DMD: variants seen among roughly 807,000 people sequenced by gnomAD.
DMD encodes mutant dystrophin.
Under a neutral mutation model 330.1 loss-of-function variants are expected in DMD, and 63 were observed. That is an observed-to-expected ratio of 0.19 (90% CI 0.16 to 0.24). The LOEUF (loss-of-function observed/expected upper bound fraction) is 0.24, where lower values mean the gene tolerates loss of function less well. Ranked by LOEUF, DMD falls within the 10% of genes least tolerant of loss-of-function variation. DMD has a pLI of 1.00. For missense variants in DMD, 3,344 were observed against 2,684.1 expected (o/e 1.25, Z -5.43); for synonymous variants, 1,223 against 959.8 (o/e 1.27, Z -5.07).
At chrX:32,559,100 G>A (rs899316226) in intron 16 of DMD, among the ~76,000 whole-genome samples, 2 of 109,143 alleles carry the variant, frequency 1.8e-5, no homozygotes, top group Non-Finnish European at 3.8e-5. Context: ...ACAAGCGCCT[G>A]CCACCATGCC....
chrX:32,492,124 A>G (rs1183685222), intron 19 of DMD, among the ~76,000 whole-genome samples: 3 of 111,901 alleles, frequency 2.7e-5, no homozygotes, highest in Non-Finnish European at 5.6e-5. Flanking sequence ...GGATCACGGC[A>G]TCGGGAGATC....
chrX:32,055,980 G>C (rs1569537701), intron 44 of DMD, among the ~76,000 whole-genome samples: 1 of 111,200 alleles, frequency 9.0e-6, no homozygotes, highest in Non-Finnish European at 1.9e-5. Flanking sequence ...TAGATGTAAT[G>C]ATAACATGAA....
At chrX:31,665,654 T>C (rs1021110668) in intron 53 of DMD, among the ~76,000 whole-genome samples, 6 of 111,774 alleles carry the variant, frequency 5.4e-5, no homozygotes, top group Non-Finnish European at 1.1e-4. Flanking sequence ...ATCTTTACAA[T>C]AGCTTTGAAG....
At chrX:31,742,849 A>AC (rs2087476866) in intron 51 of DMD, among the ~76,000 whole-genome samples, 1 of 112,200 alleles carries the variant, frequency 8.9e-6, no homozygotes, top group Admixed American at 9.5e-5. Context: ...GACAAGTGGA[A>AC]CTTAATTAAA....
intron 30 of DMD, among the ~76,000 whole-genome samples, chrX:32,391,915 CA>C (rs2098005524): frequency 9.0e-6 from 1 of 111,719 alleles, no homozygotes; most frequent in Admixed American, 9.5e-5. Context: ...TAATCCTCCT[CA>C]AAAAGGTGGG....
rs925027435 is a variant in DMD, at chrX:32,371,429, AT to A, written c.4846-6231del. Among the ~76,000 whole-genome samples, 965 of 108,169 alleles carry A rather than the reference AT, an allele frequency of 8.9e-3. 6 individuals are homozygous for A. Among genetic ancestry groups the A allele is most frequent in the Non-Finnish European group, 0.015 (787 of 51,680 alleles). 93.9% of individuals were successfully genotyped at this position (108,169 alleles called of 115,157 possible). A position where few individuals can be genotyped will look rare whatever the true frequency, so the allele number is the denominator to read the frequency against. On this transcript the variant is annotated intron_variant, in intron 34 of 78. Transcript: ENST00000357033. Reference sequence around the variant, plus strand: ...TAGGATGAACATACTATAGGACCAAATTTTTTTTTTCCAGAAAATCTTATTC... The same window carrying A: ...TAGGATGAACATACTATAGGACCAAATTTTTTTTTCCAGAAAATCTTATTC...
chrX:32,297,564 G>A (rs753543758), intron 42 of DMD, among the ~76,000 whole-genome samples: 3 of 111,691 alleles, frequency 2.7e-5, no homozygotes, highest in Admixed American at 1.9e-4. Flanking sequence ...GAGCCACCGC[G>A]CCCAGCCTGA....
chrX:31,409,482 C>T (rs946830484), intron 60 of DMD, among the ~76,000 whole-genome samples: 3 of 112,484 alleles, frequency 2.7e-5, no homozygotes, highest in African/African-American at 9.7e-5. Flanking sequence ...GGGCTTCTCC[C>T]ATGATTTACT....
intron 74 of DMD, among the ~76,000 whole-genome samples, chrX:31,158,787 T>TTGTTGGGG (rs2038466376): frequency 1.8e-5 from 2 of 112,138 alleles, no homozygotes; most frequent in Non-Finnish European, 1.9e-5. Flanking sequence ...AAAATCAAGG[T>TTGTTGGGG]TTAACCCATG....
intron 30 of DMD, among the ~76,000 whole-genome samples, chrX:32,401,175 C>A (rs780874664): frequency 0.02 from 1,297 of 65,354 alleles, 40 homozygotes; most frequent in African/African-American, 0.081. Context: ...ACACCGGGGA[C>A]TGTTGTGGGG....
intron 44 of DMD, among the ~76,000 whole-genome samples, chrX:32,041,024 G>A (rs1019501739): frequency 9.0e-6 from 1 of 111,144 alleles, no homozygotes. Context: ...AAGATGGGGA[G>A]GAACAATCCT....
chrX:32,806,151 G>A (rs977951429), intron 7 of DMD, among the ~76,000 whole-genome samples: 1 of 112,016 alleles, frequency 8.9e-6, no homozygotes, highest in African/African-American at 3.2e-5. Flanking sequence ...ATTGGATGAA[G>A]AGTCAAGACC....
At chrX:32,264,216 G>A (rs1054353616) in intron 43 of DMD, among the ~76,000 whole-genome samples, 1 of 110,899 alleles carries the variant, frequency 9.0e-6, no homozygotes, top group Non-Finnish European at 1.9e-5. Flanking sequence ...TCCTTTGCTC[G>A]GCACTTCTCC....
At chrX:31,147,174 A>G in intron 75 of DMD, 101 bp downstream of exon 75, 1 of 1,097,816 alleles carries the variant, frequency 9.1e-7, no homozygotes, top group Non-Finnish European at 1.3e-6. Context: ...CAAGCACTTA[A>G]GAATTGATGC....
chrX:31,166,760 G>GAACT (rs1231679164), intron 74 of DMD, among the ~76,000 whole-genome samples: 2 of 111,541 alleles, frequency 1.8e-5, no homozygotes, highest in African/African-American at 6.5e-5. Flanking sequence ...TTCAGGAAGG[G>GAACT]AACTCTGTGG....
rs776838024 is a variant in DMD at position 32,934,497 on chromosome X, T to C, written c.94-84677A>G. Among the ~76,000 whole-genome samples, 43 of 110,899 alleles carry C rather than the reference T, an allele frequency of 3.9e-4. 1 individual carries two copies. The highest frequency in any genetic ancestry group is 6.4e-4 in the Non-Finnish European group (34 of 52,895). On this transcript the variant is annotated intron_variant, in intron 2 of 78. Coordinates refer to ENST00000357033, the MANE Select transcript of DMD (RefSeq NM_004006.3). ...GGTTCAAGCCTGGGTGACAGAGAAATACCGCATCTCTAAAAACAATTTTAA... is the reference window on the plus strand; with the variant it reads ...GGTTCAAGCCTGGGTGACAGAGAAACACCGCATCTCTAAAAACAATTTTAA...
chrX:32,280,165 GTATA>G (rs201359021), intron 43 of DMD, among the ~76,000 whole-genome samples: 2,741 of 22,162 alleles, frequency 0.12, 43 homozygotes, highest in Middle Eastern at 0.18. Flanking sequence ...TATATATACA[GTATA>G]TATATATATA....
intron 12 of DMD, among the ~76,000 whole-genome samples, chrX:32,600,478 A>T (rs1238934179): frequency 9.5e-6 from 1 of 105,605 alleles, no homozygotes; most frequent in Non-Finnish European, 1.9e-5. Context: ...AGAACAGGAA[A>T]AGAACAGCTG....
At chrX:32,462,477 A>C (rs1345234424) in intron 25 of DMD, among the ~76,000 whole-genome samples, 1 of 111,610 alleles carries the variant, frequency 9.0e-6, no homozygotes, top group Non-Finnish European at 1.9e-5. Context: ...GAAGTATTTG[A>C]TATACACTAT....
Sources: gnomAD v4.1 joint callset for allele counts (sites outside exome capture counted in the v4.1 genomes callset) on GRCh38, gnomAD v4.1.1 for gene constraint, MANE v1.5 for transcripts, NCBI Gene and HGNC (gene_info 2026-07-23, HGNC 2026-07-21) for gene names.